Variants in EIF2AK4 observed in about 807,000 individuals in gnomAD.
The protein encoded by EIF2AK4 is eukaryotic translation initiation factor 2 alpha kinase 4, also known as eIF-2-alpha kinase GCN2.
A neutral mutation model predicts 211.1 loss-of-function variants in EIF2AK4; 139 were observed. The ratio of observed to expected loss-of-function variants is 0.66; its 90% CI spans 0.57 to 0.76. The LOEUF (loss-of-function observed/expected upper bound fraction) is 0.76, where lower values mean the gene tolerates loss of function less well. Among genes scored for constraint, EIF2AK4 ranks in the 30% least tolerant of loss-of-function variants. EIF2AK4 has a pLI of 0.00. For synonymous variants in EIF2AK4, 710 were observed against 751.3 expected (o/e 0.94, Z 0.90); for missense variants, 1,664 against 2,043.8 (o/e 0.81, Z 3.58).
chr15:40,000,796 A>G (rs1204907571), intron 20 of EIF2AK4, among the ~76,000 whole-genome samples, 192 bp from the exon 21 acceptor site: 2 of 151,640 alleles, frequency 1.3e-5, no homozygotes, highest in South Asian at 2.1e-4. Flanking sequence ...TGTTCATACT[A>G]CATTGTTGCA....
intron 1 of EIF2AK4, among the ~76,000 whole-genome samples, chr15:39,939,238 A>G (rs2034110417): frequency 6.6e-6 from 1 of 152,204 alleles, no homozygotes; most frequent in African/African-American, 2.4e-5. Context: ...ACCCAGGCAT[A>G]ATAACTCAGT....
rs17848521 is a variant in EIF2AK4 at position 39,986,011 on chromosome 15, T to C, written c.2403+123T>C. 1,331 of 807,000 alleles carry C rather than the reference T, an allele frequency of 1.6e-3. 9 individuals are homozygous for C. In the East Asian group the frequency reaches 0.019, roughly 11 times the overall value. 50.0% of individuals were successfully genotyped at this position (807,000 alleles called of 1,614,324 possible). On this transcript the variant is annotated intron_variant, in intron 14 of 38. Transcript: ENST00000263791. ...GCTTATTGCCACTACCAAAGATTAA[T>C]TGGCCGAGAGGATTACCATATGGAG... is the stretch of plus-strand genomic sequence containing the variant.
intron 3 of EIF2AK4, chr15:39,946,950 T>G (rs1005719878): frequency 3.3e-6 from 1 of 302,922 alleles, no homozygotes; most frequent in Admixed American, 4.9e-5. Flanking sequence ...GACTACCATA[T>G]AGTGTAAACA....
At chr15:40,008,003 A>T (rs1398446570) in intron 24 of EIF2AK4, 24 bp from the exon 25 acceptor site, 1 of 1,491,018 alleles carries the variant, frequency 6.7e-7, no homozygotes, top group East Asian at 2.5e-5. Context: ...CAATGACCTT[A>T]GAAATCTGGG....
At chr15:39,952,416 T>C (rs949662890) in intron 4 of EIF2AK4, among the ~76,000 whole-genome samples, 2 of 151,884 alleles carry the variant, frequency 1.3e-5, no homozygotes, top group Non-Finnish European at 2.9e-5. Context: ...GCTGGGACTA[T>C]AGCCGTACAC....
chr15:39,943,351 C>CTTTT (rs5812147), intron 2 of EIF2AK4, 32 bp from the exon 3 acceptor site: 114 of 863,904 alleles, frequency 1.3e-4, no homozygotes, highest in South Asian at 4.9e-4. Flanking sequence ...TGGAGTAACT[C>CTTTT]TTTTTTTTTT....
Position 39,973,856 on chromosome 15 carries a change from A to G in EIF2AK4, c.1818+107A>G, listed in dbSNP as rs2034657858. On this transcript the variant is annotated intron_variant, in intron 11 of 38. Transcript: ENST00000263791. ...ATTTTGGGAGTGGGGAGGGAAGTGA[A>G]TATGGCTGTTGGATACTATGCTCAT... 4.6e-6 allele frequency: 6 copies of G among 1,300,484 alleles called. No homozygotes were observed. In the East Asian group the frequency reaches 9.3e-5, roughly 20 times the overall value. 80.6% of individuals were successfully genotyped at this position (1,300,484 alleles called of 1,614,324 possible).
In EIF2AK4 at chr15:40,011,396, T is replaced by C. The variant is rs2035233791; in HGVS notation, c.3759+50T>C. ...TACAGCTTTCTCTGTAATTTTGTGA[T>C]ACCAGAAAATGTCATCAAATTCTCG... On this transcript the variant is annotated intron_variant, in intron 27 of 38. Coordinates refer to ENST00000263791, the MANE Select transcript of EIF2AK4 (RefSeq NM_001013703.4). The C allele has an allele frequency of 4.0e-6, 6 of 1,494,630 alleles. No individual in the cohort carries two copies. The South Asian group carries it at 5.9e-5, about 15-fold the overall frequency. The allele number at this position is 1,494,630 out of a possible 1,614,324, so 92.6% of individuals were successfully genotyped here.
intron 6 of EIF2AK4, among the ~76,000 whole-genome samples, chr15:39,958,925 CT>C (rs1012352627): frequency 1.3e-5 from 2 of 151,972 alleles, no homozygotes; most frequent in African/African-American, 4.8e-5. Flanking sequence ...AAAGATTATC[CT>C]TTTTTCTTTT....
intron 35 of EIF2AK4, 113 bp downstream of exon 35, chr15:40,030,569 A>C (rs572797061): frequency 5.6e-5 from 70 of 1,246,296 alleles, no homozygotes; most frequent in Non-Finnish European, 7.2e-5. Flanking sequence ...ATTTTTTCCA[A>C]GAAAAAAATT....
At chr15:39,967,307 G>A in intron 8 of EIF2AK4, 37 bp from the exon 9 acceptor site, 10 of 1,509,366 alleles carry the variant, frequency 6.6e-6, no homozygotes, top group Non-Finnish European at 8.9e-6. Flanking sequence ...AATGTTGACT[G>A]GCCCAATATT....
chr15:40,017,047 T>C, intron 28 of EIF2AK4, 61 bp from the exon 29 acceptor site: 1 of 1,584,752 alleles, frequency 6.3e-7, no homozygotes, highest in Non-Finnish European at 8.6e-7. Flanking sequence ...ATTTTCAGCA[T>C]TATATTCCAC....
At chr15:39,977,274 A>G (rs940038646) in intron 12 of EIF2AK4, 6 of 158,564 alleles carry the variant, frequency 3.8e-5, no homozygotes, top group African/African-American at 1.4e-4. Flanking sequence ...TGTTAGGGAA[A>G]TAGTTTCGGG....
At chr15:39,975,930 G>A (rs771634593) in intron 11 of EIF2AK4, among the ~76,000 whole-genome samples, 32 of 152,010 alleles carry the variant, frequency 2.1e-4, no homozygotes, top group Non-Finnish European at 3.8e-4. Flanking sequence ...AAGTTCACAC[G>A]GCTTTAGAAA....
intron 6 of EIF2AK4, among the ~76,000 whole-genome samples, chr15:39,957,289 C>T (rs771559622): frequency 3.9e-5 from 6 of 152,078 alleles, no homozygotes; most frequent in Non-Finnish European, 8.8e-5. Context: ...AGAGATAGCA[C>T]GCTGGGCACG....
chr15:40,007,917 C>T, intron 24 of EIF2AK4, 110 bp from the exon 25 acceptor site: 1 of 833,980 alleles, frequency 1.2e-6, no homozygotes, highest in Non-Finnish European at 1.8e-6. Context: ...TTGATCATAC[C>T]ACCGATTAAT....
At position 40,016,634 on chromosome 15, in the gene EIF2AK4, G is replaced by T. The variant is rs778801599; in HGVS notation, c.3892G>T (p.Val1298Phe). 1 of 1,614,090 alleles carries T rather than the reference G, an allele frequency of 6.2e-7. No individual in the cohort carries two copies. Among genetic ancestry groups the T allele is most frequent in the African/African-American group, 1.3e-5 (1 of 74,928 alleles). Residue 1298 changes from valine (V) to phenylalanine (F), a missense_variant, in exon 28 of 39, where the codon GTT (valine) becomes TTT (phenylalanine). Physicochemically the swap from Val to Phe is conservative, Grantham distance 50. Around this residue, in one of 7 missense-constraint regions of EIF2AK4, gnomAD observed 622 missense variants for 796.8 expected, o/e 0.78. Coordinates refer to ENST00000263791, the MANE Select transcript of EIF2AK4 (RefSeq NM_001013703.4). ...GTATGGCTTAAAAGACCTAGAGGAG[G>T]TTGTTGGACTGTTGAAGAAACTCGG... ...VKYGLKDLEE[V>F]VGLLKKLGIK...
intron 21 of EIF2AK4, among the ~76,000 whole-genome samples, chr15:40,001,544 C>T (rs758710862): frequency 6.0e-5 from 9 of 149,952 alleles, no homozygotes; most frequent in African/African-American, 1.7e-4. Context: ...GCAGGAGAAT[C>T]GCTTGAGCCT....
intron 19 of EIF2AK4, among the ~76,000 whole-genome samples, chr15:39,997,960 A>T (rs1463330112): frequency 2.0e-5 from 3 of 152,234 alleles, no homozygotes; most frequent in Non-Finnish European, 4.4e-5. Context: ...AAACACGATA[A>T]CTAGAATGCA....
Sources: gnomAD v4.1 joint callset for allele counts (sites outside exome capture counted in the v4.1 genomes callset) on GRCh38, gnomAD v4.1.1 for gene constraint, gnomAD v4.1.1 regional missense constraint, MANE v1.5 for transcripts, NCBI Gene and HGNC (gene_info 2026-07-23, HGNC 2026-07-21) for gene names.